PLEKHA7: variants seen among roughly 807,000 people sequenced by gnomAD.
PLEKHA7 encodes pleckstrin homology domain-containing family A member 7.
Under a neutral mutation model 170.0 loss-of-function variants are expected in PLEKHA7, and 104 were observed. The ratio of observed to expected loss-of-function variants is 0.61; its 90% CI spans 0.52 to 0.72. PLEKHA7 has a LOEUF of 0.72. PLEKHA7 is among the 30% of genes least tolerant of loss of function. The pLI, the probability that PLEKHA7 is intolerant of heterozygous loss-of-function variation, is 0.00. For synonymous variants in PLEKHA7, 648 were observed against 660.8 expected, an observed-to-expected ratio of 0.98 and a Z score of 0.30; for missense variants, 1,615 against 1,671.7, an observed-to-expected ratio of 0.97 and a Z score of 0.59.
At chr11:16,852,462 T>C in intron 6 of PLEKHA7, 107 bp from the exon 7 acceptor site, 3 of 834,616 alleles carry the variant, frequency 3.6e-6, no homozygotes, top group Non-Finnish European at 3.7e-6. Flanking sequence ...ATATTCACTC[T>C]TTGTTTTAAT....
intron 4 of PLEKHA7, among the ~76,000 whole-genome samples, chr11:16,870,100 G>A (rs1854708281): frequency 6.6e-6 from 1 of 152,134 alleles, no homozygotes. Flanking sequence ...GGGTGGTAGA[G>A]CCCACCTGAG....
chr11:16,917,101 C>A (rs1188583592), intron 3 of PLEKHA7, among the ~76,000 whole-genome samples: 1 of 152,082 alleles, frequency 6.6e-6, no homozygotes, highest in Non-Finnish European at 1.5e-5. Flanking sequence ...TACCTGTAAC[C>A]CCAGCTACTT....
rs763394306 is a variant in PLEKHA7 at position 16,841,576 on chromosome 11, T to C, written c.843A>G (p.Ala281=). 1.2e-6 allele frequency: 2 copies of C among 1,613,856 alleles called. No homozygotes were observed. The highest frequency in any genetic ancestry group is 2.2e-5 in the East Asian group (1 of 44,890). ...TCAGTGACGATCGAGACAGCACCTG[T>C]GCAGCCTGGTTCATGGCCCTGACCC... ...NAWVRAMNQA[A]QVLSRSSLKR... Residue 281 remains alanine (A), a synonymous_variant, in exon 9 of 27, where the codon GCA becomes GCG. Transcript: ENST00000531066.
At position 16,777,484 on chromosome 11, in the gene PLEKHA7, A is replaced by T. The variant is rs986135073; in HGVS notation, c.*1514T>A. ...AGCATATGGAGTTAGTTAAAAATAG[A>T]CAACAACTGCTAGATATATTCAAAA... On this transcript the variant is annotated 3_prime_UTR_variant, in exon 27 of 27. Coordinates refer to ENST00000531066, the MANE Select transcript of PLEKHA7 (RefSeq NM_001329630.2). 7 of 152,252 alleles carry T rather than the reference A, an allele frequency of 4.6e-5. No individual in the cohort carries two copies. The highest frequency in any genetic ancestry group is 4.6e-4 in the Admixed American group (7 of 15,290). The allele number at this position is 152,252 out of a possible 1,614,324, so 9.4% of individuals were successfully genotyped here.
At chr11:16,807,262 CA>C in intron 13 of PLEKHA7, 1 of 889,178 alleles carries the variant, frequency 1.1e-6, no homozygotes, top group South Asian at 5.2e-5. Flanking sequence ...CAAAACGTAA[CA>C]GGTGAGACAT....
In PLEKHA7 at chr11:16,801,757, GCTGGTCTCGGTA is replaced by G. The variant is rs1848610884; in HGVS notation, c.2206_2217del (p.Tyr736_Gln739del). Reference sequence around the variant, plus strand: ...TAGGCAATCTTCTCCAAGTGCTGGGGCTGGTCTCGGTACTGCTCCATCTGTCTGTGCAACACC... The same window carrying G: ...TAGGCAATCTTCTCCAAGTGCTGGGGCTGCTCCATCTGTCTGTGCAACACC... On this transcript the variant is annotated inframe_deletion, in exon 16 of 27. Coordinates refer to ENST00000531066, the MANE Select transcript of PLEKHA7 (RefSeq NM_001329630.2). 1 of 1,614,176 alleles carries G rather than the reference GCTGGTCTCGGTA, an allele frequency of 6.2e-7. No homozygotes were observed. The highest frequency in any genetic ancestry group is 1.3e-5 in the African/African-American group (1 of 75,026).
chr11:17,006,405 T>C (rs1297668071), intron 3 of PLEKHA7, among the ~76,000 whole-genome samples: 2 of 150,894 alleles, frequency 1.3e-5, no homozygotes, highest in African/African-American at 2.4e-5. Context: ...GGCAGGCGGA[T>C]TGCCTGAGGT....
intron 9 of PLEKHA7, among the ~76,000 whole-genome samples, chr11:16,833,326 G>A (rs1433820722): frequency 6.6e-6 from 1 of 152,086 alleles, no homozygotes; most frequent in African/African-American, 2.4e-5. Context: ...AGCAGCTATT[G>A]GCAAAATCCC....
At chr11:16,985,981 G>C (rs1242793896) in intron 3 of PLEKHA7, among the ~76,000 whole-genome samples, 1 of 152,260 alleles carries the variant, frequency 6.6e-6, no homozygotes, top group African/African-American at 2.4e-5. Flanking sequence ...GGTGGCCACA[G>C]ATGGCTTCCC....
intron 3 of PLEKHA7, among the ~76,000 whole-genome samples, chr11:16,978,384 T>C (rs1219060983): frequency 6.6e-6 from 1 of 152,044 alleles, no homozygotes; most frequent in African/African-American, 2.4e-5. Context: ...TGCAAAACAG[T>C]TACATGAGTA....
At chr11:16,851,157 C>T (rs1437734551) in intron 8 of PLEKHA7, 34 bp downstream of exon 8, 9 of 1,495,074 alleles carry the variant, frequency 6.0e-6, no homozygotes, top group African/African-American at 1.4e-5. Flanking sequence ...GTTTCTTAGA[C>T]AGAATGGCTG....
At chr11:16,882,634 T>C (rs1264385895) in intron 3 of PLEKHA7, among the ~76,000 whole-genome samples, 1 of 152,136 alleles carries the variant, frequency 6.6e-6, no homozygotes, top group East Asian at 1.9e-4. Context: ...GCCTAATTAA[T>C]CACAAGTCCA....
intron 10 of PLEKHA7, among the ~76,000 whole-genome samples, chr11:16,818,831 T>C (rs2134753527): frequency 6.6e-6 from 1 of 151,998 alleles, no homozygotes; most frequent in Middle Eastern, 3.4e-3. Context: ...TGAGACAGAG[T>C]CTTGCTCTTT....
intron 15 of PLEKHA7, 125 bp downstream of exon 15, chr11:16,802,847 A>AT (rs61681973): frequency 3.1e-4 from 268 of 864,044 alleles, no homozygotes; most frequent in Middle Eastern, 4.5e-4. Context: ...CACCTGGTGC[A>AT]TTTTTTTTTA....
rs181372040 is a variant in PLEKHA7 at position 16,817,360 on chromosome 11, C to A, written c.1344-38G>T. ...GGTAAGAACGGGTCAGGCAACCAAGCGAGGGTTCTGCAGGCTTTGGGGAAC... is the reference window on the plus strand; with the variant it reads ...GGTAAGAACGGGTCAGGCAACCAAGAGAGGGTTCTGCAGGCTTTGGGGAAC... On this transcript the variant is annotated intron_variant, in intron 10 of 26. Coordinates refer to ENST00000531066, the MANE Select transcript of PLEKHA7 (RefSeq NM_001329630.2). This position sits in a 1 kb window ranked among gnomAD's most constrained non-coding sequence, Gnocchi z 4.4. 18 of 1,557,252 alleles carry A rather than the reference C, an allele frequency of 1.2e-5. No individual in the cohort carries two copies. Among genetic ancestry groups the A allele is most frequent in the Non-Finnish European group, 1.3e-5 (15 of 1,153,302 alleles).
At chr11:16,919,039 C>T (rs887780855) in intron 3 of PLEKHA7, among the ~76,000 whole-genome samples, 1 of 152,136 alleles carries the variant, frequency 6.6e-6, no homozygotes, top group Non-Finnish European at 1.5e-5. Context: ...GATGAAACCC[C>T]ATCTCTACTA....
chr11:16,863,615 C>T (rs562168690), intron 4 of PLEKHA7, among the ~76,000 whole-genome samples: 4 of 152,302 alleles, frequency 2.6e-5, no homozygotes, highest in African/African-American at 9.6e-5. Context: ...CAAATGCTAG[C>T]GTCACTGCTC....
At chr11:16,980,604 G>GT (rs1863365995) in intron 3 of PLEKHA7, among the ~76,000 whole-genome samples, 1 of 152,144 alleles carries the variant, frequency 6.6e-6, no homozygotes, top group South Asian at 2.1e-4. Flanking sequence ...GTTTGGTTTG[G>GT]TTTGGGGGGG....
intron 3 of PLEKHA7, among the ~76,000 whole-genome samples, chr11:16,979,300 T>A (rs11600432): frequency 0.17 from 26,382 of 152,188 alleles, 2,868 homozygotes; most frequent in Middle Eastern, 0.34. Flanking sequence ...AGTGCTGGGA[T>A]TACAGGCATG....
Sources: allele counts gnomAD v4.1 joint callset (sites outside exome capture counted in the v4.1 genomes callset), GRCh38; gene constraint gnomAD v4.1.1; non-coding constraint Gnocchi (gnomAD v3.1); transcripts MANE v1.5; gene names NCBI Gene and HGNC (gene_info 2026-07-23, HGNC 2026-07-21).